RIMS2: variants seen among roughly 807,000 people sequenced by gnomAD.
RIMS2 encodes the protein regulating synaptic membrane exocytosis protein 2.
Under a neutral mutation model 174.4 loss-of-function variants are expected in RIMS2, and 59 were observed. That is an observed-to-expected ratio of 0.34 (90% confidence interval 0.27 to 0.42). The LOEUF is 0.42. Among genes scored for constraint, RIMS2 ranks in the 10% least tolerant of loss-of-function variants. RIMS2 has a pLI of 1.00. For synonymous variants in RIMS2, 606 were observed against 572.5 expected, an observed-to-expected ratio of 1.06 and a Z score of -0.84; for missense variants, 1,620 against 1,666.3, an observed-to-expected ratio of 0.97 and a Z score of 0.48.
intron 4 of RIMS2, among the ~76,000 whole-genome samples, chr8:103,908,262 C>T (rs535436499): frequency 6.6e-6 from 1 of 152,118 alleles, no homozygotes; most frequent in African/African-American, 2.4e-5. Context: ...AGGATGATCT[C>T]CATCTCTTGA....
intron 19 of RIMS2, among the ~76,000 whole-genome samples, chr8:104,066,360 G>A (rs1264156771): frequency 5.3e-5 from 8 of 150,528 alleles, no homozygotes; most frequent in South Asian, 2.1e-4. Context: ...CTGTTTCTAC[G>A]TATATATTTA....
intron 19 of RIMS2, among the ~76,000 whole-genome samples, chr8:104,157,471 T>G (rs930444578): frequency 6.6e-6 from 1 of 152,218 alleles, no homozygotes; most frequent in Non-Finnish European, 1.5e-5. Context: ...CATTATGTTG[T>G]GCAACTATCA....
chr8:103,554,902 C>A (rs1200992317), intron 1 of RIMS2, among the ~76,000 whole-genome samples: 1 of 152,058 alleles, frequency 6.6e-6, no homozygotes, highest in Non-Finnish European at 1.5e-5. Context: ...GAGCTGGAGG[C>A]CATAATCCCA....
intron 1 of RIMS2, among the ~76,000 whole-genome samples, chr8:103,603,099 A>G (rs1235022239): frequency 6.7e-6 from 1 of 148,308 alleles, no homozygotes; most frequent in Non-Finnish European, 1.5e-5. Context: ...TGCACCCACT[A>G]ACTCGTCATC....
intron 19 of RIMS2, among the ~76,000 whole-genome samples, chr8:104,077,973 T>C (rs2097331338): frequency 6.6e-6 from 1 of 151,712 alleles, no homozygotes. Flanking sequence ...TGAAACCCCA[T>C]CTCTACTAAA....
chr8:103,798,805 C>T lies in RIMS2; in HGVS notation c.698+32268C>T, dbSNP rs577737031. Among the ~76,000 whole-genome samples the T allele has an allele frequency of 2.6e-5, 4 of 151,908 alleles. No individual in the cohort carries two copies. In the East Asian group the frequency reaches 5.8e-4, roughly 22 times the overall value. ...AACCCCTGGATGTTACCTTACCTGG[C>T]AAAGGGACTTTGCAGACATGATTAA... On this transcript the variant is annotated intron_variant, in intron 3 of 23. Coordinates refer to ENST00000504942, the Ensembl canonical transcript of RIMS2.
chr8:103,975,241 A>G (rs1269804084), intron 15 of RIMS2, 109 bp from the exon 18 acceptor site: 16 of 623,106 alleles, frequency 2.6e-5, no homozygotes, highest in Non-Finnish European at 5.5e-6. Context: ...TATTTAATAT[A>G]TTAGAAGTCT....
At chr8:103,865,811 T>C (rs1316888519) in intron 3 of RIMS2, among the ~76,000 whole-genome samples, 2 of 152,146 alleles carry the variant, frequency 1.3e-5, no homozygotes, top group African/African-American at 4.8e-5. Context: ...TTATTCAGAA[T>C]TTGGATAATA....
chr8:103,500,851 T>C, exon 1 of RIMS2: 1 of 1,478,912 alleles, frequency 6.8e-7, no homozygotes, highest in Non-Finnish European at 9.0e-7. Context: ...TGGAGTTGCC[T>C]CCCCGCTTCC....
At chr8:103,962,601 C>G (rs1265448433) in intron 15 of RIMS2, among the ~76,000 whole-genome samples, 25 of 152,050 alleles carry the variant, frequency 1.6e-4, no homozygotes, top group Non-Finnish European at 2.1e-4. Flanking sequence ...ATATACTACA[C>G]TTTATTTTTT....
intron 1 of RIMS2, among the ~76,000 whole-genome samples, chr8:103,589,768 A>T (rs868107300): frequency 6.6e-6 from 1 of 151,560 alleles, no homozygotes; most frequent in Non-Finnish European, 1.5e-5. Flanking sequence ...AATGAGATTT[A>T]CTCATTTGCA....
At chr8:103,545,637 C>A (rs542741337) in intron 1 of RIMS2, among the ~76,000 whole-genome samples, 25 of 152,232 alleles carry the variant, frequency 1.6e-4, no homozygotes, top group Admixed American at 7.2e-4. Context: ...AAGGGGCACA[C>A]CCCCTACAAA....
At chr8:104,179,443 G>A (rs915105869) in intron 19 of RIMS2, among the ~76,000 whole-genome samples, 1 of 151,894 alleles carries the variant, frequency 6.6e-6, no homozygotes, top group East Asian at 1.9e-4. Flanking sequence ...TGACTTCATT[G>A]TTCTGACCAG....
chr8:103,948,185 T>C (rs761170364), intron 14 of RIMS2, among the ~76,000 whole-genome samples: 2 of 152,194 alleles, frequency 1.3e-5, no homozygotes, highest in Non-Finnish European at 2.9e-5. Context: ...AGAAAGATGA[T>C]AACAAATTTT....
intron 1 of RIMS2, among the ~76,000 whole-genome samples, chr8:103,588,919 C>T (rs956959210): frequency 2.0e-5 from 3 of 151,690 alleles, no homozygotes; most frequent in African/African-American, 4.8e-5. Context: ...GGGATCACAT[C>T]AAGTTAAAAA....
intron 19 of RIMS2, among the ~76,000 whole-genome samples, chr8:104,081,926 G>A (rs150261594): frequency 1.3e-5 from 2 of 152,046 alleles, no homozygotes; most frequent in Admixed American, 1.3e-4. Context: ...CAAAAAAGTG[G>A]TTATATGAGT....
chr8:104,114,013 G>T (rs1417372552), intron 19 of RIMS2, among the ~76,000 whole-genome samples: 3 of 151,846 alleles, frequency 2.0e-5, no homozygotes, highest in African/African-American at 7.2e-5. Flanking sequence ...TTCTTTTAAT[G>T]TGGGTTGAAT....
intron 19 of RIMS2, among the ~76,000 whole-genome samples, chr8:104,167,776 AGTGTT>A (rs972784323): frequency 2.6e-5 from 4 of 151,964 alleles, no homozygotes. Context: ...GAGTTTTTCC[AGTGTT>A]GTGTTCTAGA....
chr8:103,601,429 G>T (rs1260347665), intron 1 of RIMS2, among the ~76,000 whole-genome samples: 1 of 151,998 alleles, frequency 6.6e-6, no homozygotes, highest in East Asian at 1.9e-4. Flanking sequence ...GACCTTCTTT[G>T]TGTCTTCTTA....
Sources: gnomAD v4.1 joint callset for allele counts (sites outside exome capture counted in the v4.1 genomes callset) on GRCh38, gnomAD v4.1.1 for gene constraint, MANE v1.5 for transcripts, NCBI Gene and HGNC (gene_info 2026-07-23, HGNC 2026-07-21) for gene names.